Variants in STAR observed in about 807,000 individuals in gnomAD.
STAR encodes the protein steroidogenic acute regulatory protein, mitochondrial.
Under a neutral mutation model 32.3 loss-of-function variants are expected in STAR, and 32 were observed. The ratio of observed to expected loss-of-function variants is 0.99; its 90% CI spans 0.75 to 1.33. STAR has a LOEUF of 1.33. Among genes scored for constraint, STAR ranks in the 40% most tolerant of loss-of-function variants. The probability of loss-of-function intolerance (pLI) is 0.00; values close to 1 mark genes in which losing one functional copy is unlikely to be tolerated. For synonymous variants in STAR, 134 were observed against 140.5 expected (o/e 0.95, Z 0.33); for missense variants, 375 against 379.0 (o/e 0.99, Z 0.09).
At position 38,150,773 on chromosome 8, in the gene STAR, G is replaced by T; in HGVS notation, c.46C>A (p.His16Asn). Residue 16 changes from histidine to asparagine, a missense_variant, in exon 1 of 7, where the codon CAC becomes AAC. Coordinates refer to ENST00000276449, the MANE Select transcript of STAR (RefSeq NM_000349.3). ...FKLCAGSSYR[H>N]MRNMKGLRQQ... ...CGCTCACCCTTCATGTTGCGCATGT[G>T]TCTGTAGGAGCTCCCAGCGCACAGC... The T allele has an allele frequency of 6.2e-7, 1 of 1,607,278 alleles. No homozygotes were observed.
intron 3 of STAR, 147 bp downstream of exon 3, chr8:38,148,053 C>T (rs1318229987): frequency 5.8e-6 from 6 of 1,029,680 alleles, no homozygotes; most frequent in South Asian, 3.0e-5. Flanking sequence ...GATATATTCT[C>T]GAGAAAGGAG....
chr8:38,143,903 G>A lies in STAR; in HGVS notation c.*370C>T, dbSNP rs985931110. 1 of 344,166 alleles carries A rather than the reference G, an allele frequency of 2.9e-6. No homozygotes were observed. The highest frequency in any genetic ancestry group is 4.0e-5 in the Admixed American group (1 of 25,020). 21.3% of individuals were successfully genotyped at this position (344,166 alleles called of 1,614,324 possible). On this transcript the variant is annotated 3_prime_UTR_variant, in exon 7 of 7. Transcript: ENST00000276449. ...CGCATGGCATTCTTGAGCCCATAAAGCAAGACTTCTCAGGCCCTGTGGTTA... is the reference window on the plus strand; with the variant it reads ...CGCATGGCATTCTTGAGCCCATAAAACAAGACTTCTCAGGCCCTGTGGTTA...
Position 38,148,703 on chromosome 8 carries a change from G to T in STAR, c.116C>A (p.Ala39Asp). Residue 39 changes from alanine (A) to aspartate (D), a missense_variant, in exon 2 of 7, where the codon GCC (alanine) becomes GAC (aspartate). Coordinates refer to ENST00000276449, the MANE Select transcript of STAR (RefSeq NM_000349.3). Reference sequence around the variant, plus strand: ...CGTGCTAGGGGTGGGGCCCCCCAGGGCCCTCCGGTTCAGCTCCTGGCTGAT... The same window carrying T: ...CGTGCTAGGGGTGGGGCCCCCCAGGTCCCTCCGGTTCAGCTCCTGGCTGAT... ...MAISQELNRR[A>D]LGGPTPSTWI... 6.2e-7 allele frequency: 1 copy of T among 1,614,060 alleles called. No homozygotes were observed. Among genetic ancestry groups the T allele is most frequent in the African/African-American group, 1.3e-5 (1 of 75,062 alleles).
At chr8:38,145,668 C>T (rs1163249919) in intron 5 of STAR, 1 of 562,660 alleles carries the variant, frequency 1.8e-6, no homozygotes, top group Admixed American at 3.1e-5. Flanking sequence ...TTTTAGTCTA[C>T]ATTACAGCTG....
Position 38,146,124 on chromosome 8 carries a change from A to G in STAR, c.489T>C (p.Asp163=), listed in dbSNP as rs748243874. ...EIKVLQKIGK[D]TFITHELAAE... is the part of the protein sequence containing the mutation. ...CAGCCAGCTCGTGAGTAATGAATGT[A>G]TCTTTTCCGATCTTCTGCAGGACCT... is the stretch of plus-strand genomic sequence containing the variant. The change falls in exon 5 of 7, where the codon GAT becomes GAC. Residue 163 remains aspartate (D), a synonymous_variant. Coordinates refer to ENST00000276449, the MANE Select transcript of STAR (RefSeq NM_000349.3). The G allele has an allele frequency of 5.6e-6, 9 of 1,614,004 alleles. No homozygotes were observed. The highest frequency in any genetic ancestry group is 7.6e-6 in the Non-Finnish European group (9 of 1,179,914).
chr8:38,150,271 C>T (rs551283722), intron 1 of STAR, among the ~76,000 whole-genome samples: 1 of 151,966 alleles, frequency 6.6e-6, no homozygotes, highest in Non-Finnish European at 1.5e-5. Context: ...TGGTGGTGCA[C>T]GCCTGTAGTC....
Position 38,144,138 on chromosome 8 carries a change from T to C in STAR, c.*135A>G. 4.5e-6 allele frequency: 4 copies of C among 894,530 alleles called. No homozygotes were observed. The highest frequency in any genetic ancestry group is 2.7e-5 in the East Asian group (1 of 37,068). 55.4% of individuals were successfully genotyped at this position (894,530 alleles called of 1,614,324 possible). ...TTCACCAATCTGAATCCTAGTGTCA[T>C]ACTCTAAACACGAACCCCACCCATC... On this transcript the variant is annotated 3_prime_UTR_variant, in exon 7 of 7. Transcript: ENST00000276449.
Position 38,144,166 on chromosome 8 carries a change from A to C in STAR, c.*107T>G. On this transcript the variant is annotated 3_prime_UTR_variant, in exon 7 of 7. Coordinates refer to ENST00000276449, the MANE Select transcript of STAR (RefSeq NM_000349.3). ...TCTAAACACGAACCCCACCCATCCC[A>C]CTGTCACCAGATGGAGATCTTAGAC... The C allele has an allele frequency of 8.3e-7, 1 of 1,200,316 alleles. No individual in the cohort carries two copies. Among genetic ancestry groups the C allele is most frequent in the Non-Finnish European group, 1.2e-6 (1 of 839,710 alleles). 74.4% of individuals were successfully genotyped at this position (1,200,316 alleles called of 1,614,324 possible). A position where few individuals can be genotyped will look rare whatever the true frequency, so the allele number is the denominator to read the frequency against.
rs770451908 is a variant in STAR at position 38,146,468 on chromosome 8, C to CA, written c.307-22dup. On this transcript the variant is annotated intron_variant, in intron 3 of 6. Coordinates refer to ENST00000276449, the MANE Select transcript of STAR (RefSeq NM_000349.3). The stretch of plus-strand genomic sequence containing the variant: ...TTGTCCTGTCAGAGAAAGGAGCCCC[C>CA]AGAAGGTGGTTAGACAAAAATATTC... 1.9e-6 allele frequency: 3 copies of CA among 1,612,816 alleles called. No homozygotes were observed. The South Asian group carries it at 3.3e-5, about 18-fold the overall frequency.
At chr8:38,147,734 G>A (rs992177166) in intron 3 of STAR, among the ~76,000 whole-genome samples, 1 of 152,228 alleles carries the variant, frequency 6.6e-6, no homozygotes, top group African/African-American at 2.4e-5. Flanking sequence ...CCTGTGATGG[G>A]TCAGTGCTCA....
rs972399249 is a variant in STAR, at chr8:38,145,826, ATCT to A, written c.650+134_650+136del. 27 of 1,079,878 alleles carry A rather than the reference ATCT, an allele frequency of 2.5e-5. No individual in the cohort carries two copies. In the African/African-American group the frequency reaches 3.1e-4, roughly 12 times the overall value. 66.9% of individuals were successfully genotyped at this position (1,079,878 alleles called of 1,614,324 possible). A position where few individuals can be genotyped will look rare whatever the true frequency, so the allele number is the denominator to read the frequency against. ...TTTGTCCCTCCTTTGGTAAATAAGT[ATCT>A]TCTTTTGTAGAAGGAAGCCATGGGT... On this transcript the variant is annotated intron_variant, in intron 5 of 6. Transcript: ENST00000276449.
rs770603456 is a variant in STAR at position 38,150,852 on chromosome 8, C to T, written c.-34G>A. ...GGCAAATGTGGCAGTGGTGGGGTCG[C>T]TGCCGCTGCTGCTGCCGCCGCTGCT... On this transcript the variant is annotated 5_prime_UTR_variant, in exon 1 of 7. Transcript: ENST00000276449. 1.9e-6 allele frequency: 3 copies of T among 1,601,276 alleles called. No individual in the cohort carries two copies. In the South Asian group the frequency reaches 3.3e-5, roughly 18 times the overall value.
In STAR at chr8:38,148,739, G is replaced by A; in HGVS notation, c.80C>T (p.Ala27Val). The A allele has an allele frequency of 6.2e-7, 1 of 1,613,678 alleles. No homozygotes were observed. The highest frequency in any genetic ancestry group is 8.5e-7 in the Non-Finnish European group (1 of 1,179,998). Reference sequence around the variant, plus strand: ...CAGCTCCTGGCTGATGGCCATCACAGCCTGTTGCCTCAGCCCTGCAGAAGG... The same window carrying A: ...CAGCTCCTGGCTGATGGCCATCACAACCTGTTGCCTCAGCCCTGCAGAAGG... ...MRNMKGLRQQ[A>V]VMAISQELNR... The change falls in exon 2 of 7, where the codon GCT (alanine) becomes GTT (valine). Residue 27 changes from alanine to valine, a missense_variant. Coordinates refer to ENST00000276449, the MANE Select transcript of STAR (RefSeq NM_000349.3).
In STAR at chr8:38,148,265, C is replaced by T. The variant is rs1307317629; in HGVS notation, c.241G>A (p.Glu81Lys). 2.5e-6 allele frequency: 4 copies of T among 1,614,088 alleles called. No homozygotes were observed. The South Asian group carries it at 4.4e-5, about 18-fold the overall frequency. ...QELAYLQQGEEAMQKALGILS... is the reference protein window; with the variant it reads ...QELAYLQQGEKAMQKALGILS... Reference sequence around the variant, plus strand: ...ATGCCCAAGGCCTTCTGCATGGCCTCCTCCCCCTGCTGGAGATAGGCCAGC... The same window carrying T: ...ATGCCCAAGGCCTTCTGCATGGCCTTCTCCCCCTGCTGGAGATAGGCCAGC... The change falls in exon 3 of 7, where the codon GAG becomes AAG. Residue 81 changes from glutamate to lysine, a missense_variant. Coordinates refer to ENST00000276449, the MANE Select transcript of STAR (RefSeq NM_000349.3).
rs112828857 is a variant in STAR, at chr8:38,144,185, C to G, written c.*88G>C. On this transcript the variant is annotated 3_prime_UTR_variant, in exon 7 of 7. Transcript: ENST00000276449. ...CATCCCACTGTCACCAGATGGAGAT[C>G]TTAGACTTGCAGGCTTCCAGTAGGG... The G allele has an allele frequency of 3.8e-4, 520 of 1,356,664 alleles. 4 individuals are homozygous for G. The African/African-American group carries it at 5.4e-3, about 14-fold the overall frequency. The allele number at this position is 1,356,664 out of a possible 1,614,324, so 84.0% of individuals were successfully genotyped here. A position where few individuals can be genotyped will look rare whatever the true frequency, so the allele number is the denominator to read the frequency against.
intron 3 of STAR, among the ~76,000 whole-genome samples, chr8:38,147,832 C>T (rs1034142614): frequency 6.6e-5 from 10 of 152,354 alleles, no homozygotes; most frequent in Middle Eastern, 6.8e-3. Flanking sequence ...CCTGCAAGCC[C>T]AGCCACAGGT....
At chr8:38,145,380 A>T in intron 5 of STAR, 65 bp from the exon 6 acceptor site, 1 of 1,604,526 alleles carries the variant, frequency 6.2e-7, no homozygotes, top group Non-Finnish European at 8.5e-7. Context: ...GGCTGCTTAC[A>T]CCAGTACCAT....
chr8:38,144,510 G>C, intron 6 of STAR, 124 bp from the exon 7 acceptor site: 1 of 1,519,400 alleles, frequency 6.6e-7, no homozygotes, highest in Non-Finnish European at 8.8e-7. Flanking sequence ...GTGCAGCCTT[G>C]GAGTTGCCCA....
rs1802507739 is a variant in STAR, at chr8:38,143,695, A to G, written c.*578T>C. ...TATTCTGACTGGTGCCTATGAAAGC[A>G]ATAGGGAAACATGTCTACTAATGAG... On this transcript the variant is annotated 3_prime_UTR_variant, in exon 7 of 7. Transcript: ENST00000276449. The G allele has an allele frequency of 6.0e-6, 1 of 166,038 alleles. No individual in the cohort carries two copies. The highest frequency in any genetic ancestry group is 1.3e-5 in the Non-Finnish European group (1 of 75,566). The allele number at this position is 166,038 out of a possible 1,614,324, so 10.3% of individuals were successfully genotyped here. A position where few individuals can be genotyped will look rare whatever the true frequency, so the allele number is the denominator to read the frequency against.
Sources: gnomAD v4.1 joint callset for allele counts (sites outside exome capture counted in the v4.1 genomes callset) on GRCh38, gnomAD v4.1.1 for gene constraint, MANE v1.5 for transcripts, NCBI Gene and HGNC (gene_info 2026-07-23, HGNC 2026-07-21) for gene names.